Variants in NOX4 observed in about 807,000 individuals in gnomAD.
NOX4 encodes the protein kidney oxidase-1.
Under a neutral mutation model 87.6 loss-of-function variants are expected in NOX4, and 69 were observed. That is an observed-to-expected ratio of 0.79 (90% CI 0.65 to 0.96). The LOEUF (loss-of-function observed/expected upper bound fraction) is 0.96, where lower values mean the gene tolerates loss of function less well. NOX4 is among the 40% of genes least tolerant of loss of function. The pLI is 0.00. For missense variants in NOX4, 680 were observed against 681.5 expected (o/e 1.00, Z 0.02); for synonymous variants, 275 against 238.2 (o/e 1.15, Z -1.42).
At chr11:89,561,347 A>G in the NOX4 span, among the ~76,000 whole-genome samples, 1 of 151,912 alleles carries the variant, frequency 6.6e-6, no homozygotes, top group Non-Finnish European at 1.5e-5. Flanking sequence ...TAGGAAACAT[A>G]GATTCCATCC....
chr11:89,337,321 C>G, intron 16 of NOX4, 126 bp downstream of exon 16: 1 of 1,415,820 alleles, frequency 7.1e-7, no homozygotes, highest in Non-Finnish European at 9.6e-7. Flanking sequence ...GGACATATTC[C>G]AAAGGAGGCT....
the NOX4 span, among the ~76,000 whole-genome samples, chr11:89,561,751 C>T: frequency 6.6e-6 from 1 of 152,038 alleles, no homozygotes; most frequent in Non-Finnish European, 1.5e-5. Context: ...TGAGGAGCTT[C>T]CTTTCTCGTG....
chr11:89,471,507 T>C (rs942932409), intron 2 of NOX4, among the ~76,000 whole-genome samples: 1 of 152,158 alleles, frequency 6.6e-6, no homozygotes, highest in Non-Finnish European at 1.5e-5. Flanking sequence ...AAAAGGTCTA[T>C]GGCAGAAAAT....
the NOX4 span, among the ~76,000 whole-genome samples, chr11:89,564,871 A>G: frequency 6.6e-6 from 1 of 152,032 alleles, no homozygotes; most frequent in South Asian, 2.1e-4. Context: ...ACCAGATCTT[A>G]CAATTGCAGC....
chr11:89,441,337 A>T (rs1171234478), intron 5 of NOX4, among the ~76,000 whole-genome samples: 1 of 152,196 alleles, frequency 6.6e-6, no homozygotes, highest in Non-Finnish European at 1.5e-5. Context: ...TAATGGTTAT[A>T]GTCAGCACCC....
At chr11:89,422,771 C>T (rs1943149196) in intron 7 of NOX4, among the ~76,000 whole-genome samples, 1 of 151,674 alleles carries the variant, frequency 6.6e-6, no homozygotes, top group Non-Finnish European at 1.5e-5. Context: ...CATTACCATC[C>T]CTTGTAACAT....
intron 11 of NOX4, among the ~76,000 whole-genome samples, chr11:89,376,582 A>G (rs1939856280): frequency 6.6e-6 from 1 of 152,132 alleles, no homozygotes; most frequent in African/African-American, 2.4e-5. Flanking sequence ...AGCACATATT[A>G]ATATTAAAAT....
intron 3 of NOX4, among the ~76,000 whole-genome samples, chr11:89,450,671 G>T (rs998462595): frequency 1.3e-5 from 2 of 151,214 alleles, no homozygotes; most frequent in African/African-American, 2.4e-5. Flanking sequence ...TGCTGCACCC[G>T]TTAACTCGTC....
chr11:89,580,733 A>G, the NOX4 span, among the ~76,000 whole-genome samples: 2 of 152,148 alleles, frequency 1.3e-5, no homozygotes, highest in Non-Finnish European at 2.9e-5. Context: ...AGGTATTGTA[A>G]GGCAGATACA....
chr11:89,422,849 G>C (rs76737679), intron 7 of NOX4, among the ~76,000 whole-genome samples: 2,958 of 145,698 alleles, frequency 0.02, 60 homozygotes, highest in East Asian at 0.097. Flanking sequence ...GCCTAGGCTG[G>C]AGTGCAGTGG....
intron 7 of NOX4, among the ~76,000 whole-genome samples, chr11:89,427,707 T>A (rs542636815): frequency 1.3e-5 from 2 of 152,164 alleles, no homozygotes; most frequent in South Asian, 2.1e-4. Flanking sequence ...CTCCAAGAAT[T>A]ATGGGACTAT....
the NOX4 span, among the ~76,000 whole-genome samples, chr11:89,554,934 C>A: frequency 6.6e-6 from 1 of 151,598 alleles, no homozygotes; most frequent in Non-Finnish European, 1.5e-5. Flanking sequence ...AAAAAAAATC[C>A]AAATTAAAAT....
At chr11:89,500,574 T>C (rs911305925), upstream of NOX4, among the ~76,000 whole-genome samples, 1 of 152,154 alleles carries the variant, frequency 6.6e-6, no homozygotes, top group East Asian at 1.9e-4. Context: ...ACCATGTTTC[T>C]ACAAATGAGA....
chr11:89,472,207 T>C (rs1945975473), intron 2 of NOX4, among the ~76,000 whole-genome samples: 2 of 152,134 alleles, frequency 1.3e-5, no homozygotes, highest in South Asian at 4.1e-4. Flanking sequence ...GTTCTTGGGG[T>C]ATAACCAAAA....
At chr11:89,334,580 G>T (rs1945616651) in intron 17 of NOX4, among the ~76,000 whole-genome samples, 1 of 151,578 alleles carries the variant, frequency 6.6e-6, no homozygotes, top group African/African-American at 2.4e-5. Context: ...ATTCATCCAT[G>T]ATTTCCTAAA....
intron 6 of NOX4, among the ~76,000 whole-genome samples, chr11:89,438,853 ATATAT>A (rs1944288187): frequency 2.1e-5 from 1 of 47,456 alleles, no homozygotes; most frequent in Non-Finnish European, 3.1e-5. Context: ...ATATTATATA[ATATAT>A]TATATATTAT....
intron 8 of NOX4, among the ~76,000 whole-genome samples, 157 bp from the exon 9 acceptor site, chr11:89,402,699 A>G (rs570885032): frequency 3.3e-5 from 5 of 152,300 alleles, no homozygotes; most frequent in African/African-American, 1.2e-4. Context: ...TTTAGGAGAA[A>G]TTGAAAAATC....
the NOX4 span, among the ~76,000 whole-genome samples, chr11:89,540,427 C>T: frequency 8.1e-6 from 1 of 123,500 alleles, no homozygotes; most frequent in Non-Finnish European, 1.7e-5. Context: ...TGTTCAAAAG[C>T]CATTTTTTTT....
chr11:89,512,648 T>C, the NOX4 span, among the ~76,000 whole-genome samples: 2 of 152,134 alleles, frequency 1.3e-5, no homozygotes. Context: ...GTATTTACCA[T>C]ATTTTAACTC....
Sources: allele counts gnomAD v4.1 joint callset (sites outside exome capture counted in the v4.1 genomes callset), GRCh38; gene constraint gnomAD v4.1.1; transcripts MANE v1.5; gene names NCBI Gene and HGNC (gene_info 2026-07-23, HGNC 2026-07-21).